Variants in MAGI2 observed in about 807,000 individuals in gnomAD.
The protein encoded by MAGI2 is membrane-associated guanylate kinase, WW and PDZ domain-containing protein 2.
MAGI2 carries 35 observed loss-of-function variants against 133.3 expected under a neutral mutation model. That is an observed-to-expected ratio of 0.26 (90% CI 0.20 to 0.35). The LOEUF (loss-of-function observed/expected upper bound fraction) is 0.35, where lower values mean the gene tolerates loss of function less well. Ranked by LOEUF, MAGI2 falls within the 10% of genes least tolerant of loss-of-function variation. The pLI, the probability that MAGI2 is intolerant of heterozygous loss-of-function variation, is 1.00. For missense variants in MAGI2, 1,636 were observed against 1,863.4 expected (o/e 0.88, Z 2.25); for synonymous variants, 729 against 710.6 (o/e 1.03, Z -0.41).
At chr7:78,479,890 A>G (rs1792180230) in intron 6 of MAGI2, among the ~76,000 whole-genome samples, 3 of 151,970 alleles carry the variant, frequency 2.0e-5, no homozygotes, top group Admixed American at 2.0e-4. Context: ...AAAAAATCTC[A>G]GTAAAGAAAT....
At chr7:78,756,099 C>A (rs1823917973) in intron 2 of MAGI2, among the ~76,000 whole-genome samples, 1 of 151,624 alleles carries the variant, frequency 6.6e-6, no homozygotes, top group African/African-American at 2.4e-5. Context: ...AGGCACAATT[C>A]ACATTTCTCA....
At chr7:79,334,475 T>C (rs1017028726) in intron 1 of MAGI2, among the ~76,000 whole-genome samples, 1 of 152,168 alleles carries the variant, frequency 6.6e-6, no homozygotes, top group Non-Finnish European at 1.5e-5. Flanking sequence ...CTCTGCATAA[T>C]CCAGTTACAA....
At chr7:78,345,574 T>C (rs1001327683) in intron 8 of MAGI2, 5 of 220,946 alleles carry the variant, frequency 2.3e-5, no homozygotes, top group Non-Finnish European at 3.6e-5. Flanking sequence ...AGCTGTCTAC[T>C]GTCACAAAGG....
chr7:79,235,799 C>T (rs527340887), intron 1 of MAGI2, among the ~76,000 whole-genome samples: 4 of 152,316 alleles, frequency 2.6e-5, no homozygotes, highest in African/African-American at 7.2e-5. Context: ...TGTTCCTATT[C>T]GGCCATCTTG....
intron 11 of MAGI2, among the ~76,000 whole-genome samples, chr7:78,195,493 G>A (rs963406917): frequency 2.6e-5 from 4 of 152,198 alleles, no homozygotes; most frequent in South Asian, 2.1e-4. Flanking sequence ...AGATACAGTC[G>A]TCTGCATATA....
chr7:78,078,882 TA>T, intron 21 of MAGI2, 64 bp downstream of exon 21: 1 of 1,581,826 alleles, frequency 6.3e-7, no homozygotes. Flanking sequence ...GTTTTATAAA[TA>T]ACCATAAGCA....
rs376618105 is a variant in MAGI2 at position 79,024,290 on chromosome 7, T to C, written c.302-17084A>G. ...TAACCGACTTGCCATATGAAGAAGA[T>C]TGATACCGGACCCCTTCCTTACACC... On this transcript the variant is annotated intron_variant, in intron 1 of 21. Transcript: ENST00000354212. Among the ~76,000 whole-genome samples the C allele has an allele frequency of 2.2e-4, 33 of 152,128 alleles. No homozygotes were observed. In the South Asian group the frequency reaches 6.0e-3, roughly 28 times the overall value.
At chr7:78,751,817 G>C (rs1823483347) in intron 2 of MAGI2, among the ~76,000 whole-genome samples, 1 of 152,318 alleles carries the variant, frequency 6.6e-6, no homozygotes, top group East Asian at 1.9e-4. Flanking sequence ...GTATCCCAGT[G>C]TTCTAATTTT....
rs1430861127 is a variant in MAGI2, at chr7:78,745,532, T to A, written c.419-118293A>T. ...AATTGAAATATAGTTGATCTTGATTTAAAAAAAAAAACAACAACAACGTTA... is the reference window on the plus strand; with the variant it reads ...AATTGAAATATAGTTGATCTTGATTAAAAAAAAAAAACAACAACAACGTTA... On this transcript the variant is annotated intron_variant, in intron 2 of 21. Coordinates refer to ENST00000354212, the MANE Select transcript of MAGI2 (RefSeq NM_012301.4). 3.4e-5 allele frequency among the ~76,000 whole-genome samples: 5 copies of A among 146,590 alleles called. No individual in the cohort carries two copies. The East Asian group carries it at 7.9e-4, about 23-fold the overall frequency.
chr7:78,374,040 A>C (rs1794199225), intron 6 of MAGI2, among the ~76,000 whole-genome samples: 1 of 152,152 alleles, frequency 6.6e-6, no homozygotes, highest in Admixed American at 6.5e-5. Flanking sequence ...TGCTATTGTA[A>C]AAAGTGCTAC....
intron 1 of MAGI2, among the ~76,000 whole-genome samples, chr7:79,299,963 G>A (rs1194848905): frequency 6.6e-6 from 1 of 152,102 alleles, no homozygotes; most frequent in Non-Finnish European, 1.5e-5. Context: ...ATGACTGGAA[G>A]CTTCCTGAGA....
At chr7:79,359,669 AACACACACACACACACACACACACAC>A (rs59414419) in intron 1 of MAGI2, among the ~76,000 whole-genome samples, 3 of 140,030 alleles carry the variant, frequency 2.1e-5, no homozygotes, top group East Asian at 4.3e-4. Flanking sequence ...TCAAGTGGGA[AACACACACACACACACACACACACAC>A]ACACACACAC....
intron 2 of MAGI2, among the ~76,000 whole-genome samples, chr7:78,984,489 A>G (rs1178110328): frequency 6.6e-6 from 1 of 151,504 alleles, no homozygotes; most frequent in Non-Finnish European, 1.5e-5. Context: ...ATTCCAGCAA[A>G]TCTGGCCTCC....
chr7:79,212,078 A>G (rs1382758182), intron 1 of MAGI2, among the ~76,000 whole-genome samples: 1 of 152,140 alleles, frequency 6.6e-6, no homozygotes, highest in Non-Finnish European at 1.5e-5. Context: ...TTATTATTAC[A>G]GAAAAACCAC....
chr7:78,581,470 A>T (rs1376859546), intron 3 of MAGI2, among the ~76,000 whole-genome samples: 2 of 152,212 alleles, frequency 1.3e-5, no homozygotes, highest in Non-Finnish European at 2.9e-5. Flanking sequence ...TAGAACTTTG[A>T]CTGTAAATCA....
chr7:78,941,553 C>G (rs536058102), intron 2 of MAGI2, among the ~76,000 whole-genome samples: 5 of 152,150 alleles, frequency 3.3e-5, no homozygotes, highest in Admixed American at 6.5e-5. Context: ...CCAGGCTGGT[C>G]TCGAACTCCT....
intron 6 of MAGI2, among the ~76,000 whole-genome samples, chr7:78,474,756 G>T (rs1357994788): frequency 6.6e-6 from 1 of 151,546 alleles, no homozygotes; most frequent in Non-Finnish European, 1.5e-5. Context: ...CCACATAAAG[G>T]TGAGAAACAA....
At chr7:79,174,601 C>G (rs1285941707) in intron 1 of MAGI2, among the ~76,000 whole-genome samples, 1 of 150,316 alleles carries the variant, frequency 6.7e-6, no homozygotes, top group African/African-American at 2.5e-5. Flanking sequence ...CCTATAATCC[C>G]AGCACTTTGG....
chr7:79,060,937 G>T (rs1270511766), intron 1 of MAGI2, among the ~76,000 whole-genome samples: 2 of 152,144 alleles, frequency 1.3e-5, no homozygotes, highest in Non-Finnish European at 1.5e-5. Context: ...GCCAGTGGTG[G>T]CTCCAGAATT....
Sources: allele counts gnomAD v4.1 joint callset (sites outside exome capture counted in the v4.1 genomes callset), GRCh38; gene constraint gnomAD v4.1.1; transcripts MANE v1.5; gene names NCBI Gene and HGNC (gene_info 2026-07-23, HGNC 2026-07-21).